The following ABCA12 variants were observed in gnomAD, a reference collection of about 807,000 sequenced individuals.
ABCA12 encodes ATP binding cassette subfamily A member 12, also known as glucosylceramide transporter ABCA12.
Under a neutral mutation model 293.5 loss-of-function variants are expected in ABCA12, and 156 were observed. The observed-to-expected ratio is 0.53, with a 90% CI of 0.47 to 0.61. The LOEUF (loss-of-function observed/expected upper bound fraction) is 0.61. Among genes scored for constraint, ABCA12 ranks in the 20% least tolerant of loss-of-function variants. The pLI is 0.00. For missense variants in ABCA12, 2,797 were observed against 3,090.2 expected (o/e 0.91, Z 2.25); for synonymous variants, 1,063 against 1,108.0 (o/e 0.96, Z 0.81).
intron 22 of ABCA12, chr2:214,999,794 C>G (rs573613823): frequency 1.0e-6 from 1 of 984,794 alleles, no homozygotes; most frequent in South Asian, 4.7e-5. Flanking sequence ...TTACCTGCTT[C>G]CTCATGCTAC....
chr2:214,940,851 TTC>T (rs1442767806), intron 50 of ABCA12, among the ~76,000 whole-genome samples: 2 of 152,188 alleles, frequency 1.3e-5, no homozygotes, highest in African/African-American at 4.8e-5. Context: ...TGTTTGATTC[TTC>T]TCTCTTTTCT....
Position 215,127,845 on chromosome 2 carries a change from T to G in ABCA12, c.69+10295A>C, listed in dbSNP as rs1485273335. Among the ~76,000 whole-genome samples, 3 of 152,146 alleles carry G rather than the reference T, an allele frequency of 2.0e-5. No individual in the cohort carries two copies. The East Asian group carries it at 5.8e-4, about 29-fold the overall frequency. ...CATTCACTGTGCTTTTAATTTCCTG[T>G]GTACTTTCTTTATTTTGCTTTTTAA... On this transcript the variant is annotated intron_variant, in intron 1 of 52. Transcript: ENST00000272895.
At chr2:215,037,240 C>A (rs1158819421) in intron 7 of ABCA12, among the ~76,000 whole-genome samples, 175 bp from the exon 8 acceptor site, 1 of 152,162 alleles carries the variant, frequency 6.6e-6, no homozygotes, top group African/African-American at 2.4e-5. Flanking sequence ...AAAATCTCAA[C>A]AAAATATTCT....
At chr2:215,005,935 C>T (rs1700244295) in intron 19 of ABCA12, among the ~76,000 whole-genome samples, 1 of 152,208 alleles carries the variant, frequency 6.6e-6, no homozygotes, top group South Asian at 2.1e-4. Context: ...CCATAAGCTG[C>T]AGTTCACGTA....
At position 215,019,780 on chromosome 2, in the gene ABCA12, T is replaced by C; in HGVS notation, c.1304A>G (p.Asn435Ser). 1.2e-6 allele frequency: 2 copies of C among 1,612,586 alleles called. No individual in the cohort carries two copies. Among genetic ancestry groups the C allele is most frequent in the Middle Eastern group, 1.7e-4 (1 of 5,900 alleles). The change falls in exon 12 of 53, where the codon AAC (asparagine) becomes AGC (serine). Residue 435 changes from asparagine to serine, a missense_variant. This residue lies in a region of ABCA12 where 656 missense variants were observed against 638.2 expected (regional missense o/e 1.03). Coordinates refer to ENST00000272895, the MANE Select transcript of ABCA12 (RefSeq NM_173076.3). ...VLKSKLSQLRNLTELLCESET... is the reference protein window; with the variant it reads ...VLKSKLSQLRSLTELLCESET... ...AGATTCACAAAGAAGTTCGGTCAAG[T>C]TTCGAAGTTGAGACAGCTTTCCAAA...
intron 19 of ABCA12, chr2:215,004,942 G>C (rs1700221447): frequency 6.6e-6 from 1 of 152,110 alleles, no homozygotes; most frequent in East Asian, 1.9e-4. Flanking sequence ...TCAATGGAAA[G>C]GCTGAAAAAT....
At position 214,980,683 on chromosome 2, in the gene ABCA12, A is replaced by C. The variant is rs576220654; in HGVS notation, c.4580-40T>G. 13 of 1,612,782 alleles carry C rather than the reference A, an allele frequency of 8.1e-6. No individual in the cohort carries two copies. In the South Asian group the frequency reaches 1.3e-4, roughly 16 times the overall value. ...CAAGAACAACAGGGAATGAAACGTG[A>C]AAGTACAGTTCCCAAGACACACAGA... On this transcript the variant is annotated intron_variant, in intron 30 of 52. Coordinates refer to ENST00000272895, the MANE Select transcript of ABCA12 (RefSeq NM_173076.3).
At chr2:214,977,661 C>CA (rs1323775241) in intron 33 of ABCA12, among the ~76,000 whole-genome samples, 1 of 152,120 alleles carries the variant, frequency 6.6e-6, no homozygotes, top group East Asian at 1.9e-4. Flanking sequence ...CCCAATCCCA[C>CA]AAAGTCGTGT....
rs184014961 is a variant in ABCA12, at chr2:215,009,331, G to A, written c.2472+1000C>T. The stretch of plus-strand genomic sequence containing the variant: ...AGGGTGGAGGGTGGGAGGAGGAAAA[G>A]GATCAGGAAAAATAACTAATGGGTA... On this transcript the variant is annotated intron_variant, in intron 18 of 52. Transcript: ENST00000272895. 8.1e-4 allele frequency among the ~76,000 whole-genome samples: 124 copies of A among 152,158 alleles called. 1 individual carries two copies. The highest frequency in any genetic ancestry group is 2.9e-3 in the African/African-American group (122 of 41,516).
In ABCA12 at chr2:215,049,797, A is replaced by G. The variant is rs770936700; in HGVS notation, c.522T>C (p.Asn174=). Reference sequence around the variant, plus strand: ...CTCTTCGTATATCTTCTGAAGTTGAATTTTGCTTTAACAGCTAAAAGCATG... The same window carrying G: ...CTCTTCGTATATCTTCTGAAGTTGAGTTTTGCTTTAACAGCTAAAAGCATG... The part of the protein sequence containing the change: ...ILGLEKLLKQ[N]STSEDIRREL... Residue 174 remains asparagine (N), a synonymous_variant, in exon 6 of 53, where the codon AAT becomes AAC. Transcript: ENST00000272895. 6.2e-7 allele frequency: 1 copy of G among 1,612,756 alleles called. No homozygotes were observed. Among genetic ancestry groups the G allele is most frequent in the African/African-American group, 1.3e-5 (1 of 74,878 alleles).
intron 2 of ABCA12, among the ~76,000 whole-genome samples, chr2:215,094,624 T>C (rs2106110240): frequency 6.6e-6 from 1 of 152,314 alleles, no homozygotes; most frequent in African/African-American, 2.4e-5. Context: ...TGCCCTGCAT[T>C]TCACTCCATC....
At chr2:215,123,713 C>A (rs531431181) in intron 1 of ABCA12, among the ~76,000 whole-genome samples, 1 of 152,238 alleles carries the variant, frequency 6.6e-6, no homozygotes, top group African/African-American at 2.4e-5. Flanking sequence ...GTTTTCTTTT[C>A]TCTGCATCCA....
intron 1 of ABCA12, among the ~76,000 whole-genome samples, chr2:215,116,257 A>AT (rs1219435790): frequency 6.6e-6 from 1 of 152,092 alleles, no homozygotes; most frequent in African/African-American, 2.4e-5. Flanking sequence ...GAAAACACCT[A>AT]TTTTTCCAAA....
chr2:215,023,211 A>T (rs1175926425), intron 11 of ABCA12: 1 of 152,212 alleles, frequency 6.6e-6, no homozygotes, highest in African/African-American at 2.4e-5. Context: ...GTTTGTCTTC[A>T]TTCTTTCAGT....
intron 2 of ABCA12, 80 bp downstream of exon 2, chr2:215,111,517 A>G: frequency 8.3e-7 from 1 of 1,206,716 alleles, no homozygotes; most frequent in Non-Finnish European, 1.2e-6. Context: ...AATTTTTGAA[A>G]TGAAACACTA....
chr2:215,043,175 G>T (rs1222230361), intron 7 of ABCA12, among the ~76,000 whole-genome samples: 1 of 152,108 alleles, frequency 6.6e-6, no homozygotes, highest in Non-Finnish European at 1.5e-5. Flanking sequence ...GAGTGATGTT[G>T]AGCATTTTAA....
chr2:215,116,751 G>A (rs929031184), intron 1 of ABCA12, among the ~76,000 whole-genome samples: 2 of 151,962 alleles, frequency 1.3e-5, no homozygotes, highest in African/African-American at 4.8e-5. Flanking sequence ...TGATGAAACG[G>A]AAAAAAGCAT....
intron 2 of ABCA12, among the ~76,000 whole-genome samples, chr2:215,072,560 T>A (rs1055666846): frequency 2.1e-4 from 32 of 152,166 alleles, no homozygotes; most frequent in African/African-American, 7.2e-4. Flanking sequence ...CCTTCCTGCA[T>A]GTCCAGACCA....
In ABCA12 at chr2:214,955,369, T is replaced by A. The variant is rs1283223222; in HGVS notation, c.6234-8A>T. On this transcript the variant is annotated splice_region_variant and splice_polypyrimidine_tract_variant and intron_variant, in intron 42 of 52. Transcript: ENST00000272895. ...CAGGAAAATGTTGCATACCTGCAGG[T>A]TAAAAACACAAAGAATTAAAATTAC... The A allele has an allele frequency of 6.2e-7, 1 of 1,613,686 alleles. No individual in the cohort carries two copies. Among genetic ancestry groups the A allele is most frequent in the Admixed American group, 1.7e-5 (1 of 59,974 alleles).
Sources: gnomAD v4.1 joint callset for allele counts (sites outside exome capture counted in the v4.1 genomes callset) on GRCh38, gnomAD v4.1.1 for gene constraint, gnomAD v4.1.1 regional missense constraint, MANE v1.5 for transcripts, NCBI Gene and HGNC (gene_info 2026-07-23, HGNC 2026-07-21) for gene names.